CREB5: variants seen among roughly 807,000 people sequenced by gnomAD.
CREB5 encodes the protein cyclic AMP-responsive element-binding protein 5.
In CREB5, 19 loss-of-function variants were observed where a neutral mutation model predicts 57.1. The ratio of observed to expected loss-of-function variants is 0.33; its 90% CI spans 0.23 to 0.49. The LOEUF is 0.49. CREB5 is among the 20% of genes least tolerant of loss of function. The pLI is 0.99. For missense variants in CREB5, 579 were observed against 671.6 expected (o/e 0.86, Z 1.52); for synonymous variants, 238 against 238.3 (o/e 1.00, Z 0.01).
intron 4 of CREB5, among the ~76,000 whole-genome samples, chr7:28,527,057 G>A (rs1211211487): frequency 6.6e-6 from 1 of 152,194 alleles, no homozygotes; most frequent in Non-Finnish European, 1.5e-5. Flanking sequence ...ATCTGAGGAG[G>A]ACAACTCATC....
intron 1 of CREB5, among the ~76,000 whole-genome samples, chr7:28,421,908 G>A (rs867450706): frequency 2.0e-5 from 2 of 98,100 alleles, no homozygotes; most frequent in East Asian, 4.5e-4. Flanking sequence ...TATATAGAGA[G>A]AGTGTGTATG....
chr7:28,725,744 G>A (rs1354845619), intron 7 of CREB5, among the ~76,000 whole-genome samples: 1 of 151,842 alleles, frequency 6.6e-6, no homozygotes, highest in African/African-American at 2.4e-5. Flanking sequence ...AGTTCTTCAT[G>A]TATATGAATA....
intron 1 of CREB5, among the ~76,000 whole-genome samples, chr7:28,420,824 A>T (rs12056026): frequency 0.058 from 8,730 of 150,344 alleles, 753 homozygotes; most frequent in East Asian, 0.22. Flanking sequence ...AAAAAAAAAA[A>T]AAAAAGGTTA....
At chr7:28,389,691 T>C (rs534212472) in intron 1 of CREB5, among the ~76,000 whole-genome samples, 12 of 152,188 alleles carry the variant, frequency 7.9e-5, no homozygotes, top group Non-Finnish European at 1.0e-4. Context: ...AGTCGTTAGA[T>C]TGATATTTGG....
intron 7 of CREB5, among the ~76,000 whole-genome samples, chr7:28,801,155 A>G (rs1477952870): frequency 6.6e-6 from 1 of 152,244 alleles, no homozygotes; most frequent in Admixed American, 6.5e-5. Flanking sequence ...ACTATGTATT[A>G]AAACAGCTTG....
chr7:28,762,849 G>T (rs1805741215), intron 7 of CREB5, among the ~76,000 whole-genome samples: 1 of 150,196 alleles, frequency 6.7e-6, no homozygotes, highest in Non-Finnish European at 1.5e-5. Flanking sequence ...GCTCCATTTT[G>T]TTTAATAGCT....
chr7:28,701,121 C>A (rs1249155098), intron 5 of CREB5, among the ~76,000 whole-genome samples: 3 of 152,102 alleles, frequency 2.0e-5, no homozygotes, highest in Admixed American at 2.0e-4. Flanking sequence ...GAAAAAGGTC[C>A]ATTAGGGATG....
upstream of CREB5, among the ~76,000 whole-genome samples, chr7:28,410,951 C>T (rs1453401283): frequency 1.3e-5 from 2 of 152,126 alleles, no homozygotes; most frequent in African/African-American, 2.4e-5. Flanking sequence ...CCCCCGTCTA[C>T]ACCGTTATCA....
intron 4 of CREB5, among the ~76,000 whole-genome samples, chr7:28,561,921 T>G (rs1375062102): frequency 6.6e-6 from 1 of 152,146 alleles, no homozygotes. Context: ...ATTTTTGTAT[T>G]TTTTAGTAGT....
chr7:28,543,822 G>T (rs1295587013), intron 4 of CREB5, among the ~76,000 whole-genome samples: 1 of 151,692 alleles, frequency 6.6e-6, no homozygotes, highest in Non-Finnish European at 1.5e-5. Context: ...ACGGGGAGTG[G>T]GCATGGTGTT....
intron 1 of CREB5, among the ~76,000 whole-genome samples, chr7:28,435,304 G>C (rs967733404): frequency 2.4e-4 from 36 of 151,692 alleles, no homozygotes; most frequent in Non-Finnish European, 1.5e-5. Flanking sequence ...TGAAAATTCA[G>C]TGTCATTTGG....
intron 4 of CREB5, among the ~76,000 whole-genome samples, chr7:28,514,220 G>C (rs1299091175): frequency 6.6e-6 from 1 of 152,184 alleles, no homozygotes; most frequent in Non-Finnish European, 1.5e-5. Flanking sequence ...TTGAGTGCTT[G>C]ATTATTTGGC....
chr7:28,380,387 CCATTTATTT>C (rs1407668590), intron 1 of CREB5, among the ~76,000 whole-genome samples: 1 of 152,172 alleles, frequency 6.6e-6, no homozygotes, highest in Non-Finnish European at 1.5e-5. Flanking sequence ...TCCCTTCCTG[CCATTTATTT>C]TATTCTCTGA....
In CREB5 at chr7:28,560,947, T is replaced by TGTGC. The variant is rs1261166766; in HGVS notation, c.292-9414_292-9411dup. The stretch of plus-strand genomic sequence containing the variant: ...GCGCGTGCGTGTGTGCGTGCGTGTG[T>TGTGC]GTGCGTGTGTGTGCGTGTGTGTGTG... On this transcript the variant is annotated intron_variant, in intron 4 of 10. Coordinates refer to ENST00000357727, the MANE Select transcript of CREB5 (RefSeq NM_182898.4). 1.7e-3 allele frequency among the ~76,000 whole-genome samples: 35 copies of TGTGC among 21,194 alleles called. 3 individuals carry two copies. The highest frequency in any genetic ancestry group is 4.5e-3 in the East Asian group (4 of 884). 13.9% of individuals were successfully genotyped at this position (21,194 alleles called of 152,430 possible).
chr7:28,416,382 C>G (rs1000822812), intron 1 of CREB5, among the ~76,000 whole-genome samples: 3 of 152,180 alleles, frequency 2.0e-5, no homozygotes, highest in African/African-American at 7.2e-5. Context: ...AATTAGCTGA[C>G]TATTAGAAGA....
At chr7:28,372,953 G>A (rs1256181917) in intron 1 of CREB5, among the ~76,000 whole-genome samples, 7 of 152,180 alleles carry the variant, frequency 4.6e-5, no homozygotes, top group Admixed American at 6.5e-5. Context: ...AGTGTGGTGC[G>A]GCGGGGATGG....
intron 5 of CREB5, among the ~76,000 whole-genome samples, chr7:28,705,353 A>G (rs1397516596): frequency 1.4e-5 from 2 of 140,146 alleles, no homozygotes; most frequent in Non-Finnish European, 3.1e-5. Flanking sequence ...TGACAGAGTG[A>G]GACTCTGACT....
At chr7:28,646,709 G>A (rs1313666657) in intron 5 of CREB5, among the ~76,000 whole-genome samples, 1 of 152,106 alleles carries the variant, frequency 6.6e-6, no homozygotes, top group Non-Finnish European at 1.5e-5. Context: ...CAAAGGGCAG[G>A]TTGGAAATAC....
intron 1 of CREB5, among the ~76,000 whole-genome samples, chr7:28,364,422 CA>C (rs1307361618): frequency 6.6e-6 from 1 of 152,178 alleles, no homozygotes; most frequent in Non-Finnish European, 1.5e-5. Flanking sequence ...CAGTGTAAAA[CA>C]AAAACGTTGA....
Sources: allele counts gnomAD v4.1 joint callset (sites outside exome capture counted in the v4.1 genomes callset), GRCh38; gene constraint gnomAD v4.1.1; transcripts MANE v1.5; gene names NCBI Gene and HGNC (gene_info 2026-07-23, HGNC 2026-07-21).